The following NAV2 variants were observed in gnomAD, a reference collection of about 807,000 sequenced individuals.
The protein encoded by NAV2 is neuron navigator 2.
NAV2 carries 54 observed loss-of-function variants against 223.2 expected under a neutral mutation model. That is an observed-to-expected ratio of 0.24 (90% confidence interval 0.19 to 0.30). The LOEUF is 0.30. Ranked by LOEUF, NAV2 falls within the 10% of genes least tolerant of loss-of-function variation. NAV2 has a pLI of 1.00. For missense variants in NAV2, 2,806 were observed against 3,147.5 expected (o/e 0.89, Z 2.60); for synonymous variants, 1,279 against 1,239.3 (o/e 1.03, Z -0.67).
chr11:19,439,300 A>G (rs1851318554), intron 1 of NAV2, among the ~76,000 whole-genome samples: 1 of 152,148 alleles, frequency 6.6e-6, no homozygotes, highest in African/African-American at 2.4e-5. Flanking sequence ...TGGGGTCTAT[A>G]AGAGGGTGGA....
rs751340738 is a variant in NAV2, at chr11:19,934,139, G to A, written c.1895G>A (p.Ser632Asn). The A allele has an allele frequency of 6.2e-7, 1 of 1,614,166 alleles. No homozygotes were observed. The highest frequency in any genetic ancestry group is 8.5e-7 in the Non-Finnish European group (1 of 1,180,026). ...CCAGGAGGGACCACCCTGAACCACA[G>A]CATCAGCAGCCAGACTGTCAGTGGG... The part of the protein sequence containing the change: ...KGPGGTTLNH[S>N]ISSQTVSGSV... The change falls in exon 7 of 38, where the codon AGC becomes AAC. Residue 632 changes from serine to asparagine, a missense_variant. Transcript: ENST00000349880.
intron 11 of NAV2, chr11:20,023,207 G>C: frequency 7.9e-7 from 1 of 1,259,064 alleles, no homozygotes; most frequent in South Asian, 1.3e-5. Context: ...TCCTTGGCCG[G>C]TATTGAAAAG....
chr11:19,653,329 GT>G (rs1175215437), intron 1 of NAV2, among the ~76,000 whole-genome samples: 2 of 152,198 alleles, frequency 1.3e-5, no homozygotes, highest in African/African-American at 4.8e-5. Context: ...GACAGTGAAA[GT>G]AAAAAAGTAC....
chr11:19,408,316 G>A (rs1161017856), intron 1 of NAV2, among the ~76,000 whole-genome samples: 2 of 152,168 alleles, frequency 1.3e-5, no homozygotes, highest in African/African-American at 4.8e-5. Flanking sequence ...GGAAAGGGGA[G>A]GCTGGGAGGG....
chr11:19,458,947 G>A (rs1255645671), intron 1 of NAV2, among the ~76,000 whole-genome samples: 1 of 152,256 alleles, frequency 6.6e-6, no homozygotes, highest in Non-Finnish European at 1.5e-5. Flanking sequence ...GACAGCATGA[G>A]CCACAGCAGG....
intron 11 of NAV2, chr11:20,027,190 C>A (rs1170245114): frequency 3.6e-6 from 3 of 841,620 alleles, no homozygotes; most frequent in Non-Finnish European, 4.3e-6. Context: ...GTTAACATAC[C>A]TGTTTGGTGG....
intron 6 of NAV2, among the ~76,000 whole-genome samples, chr11:19,903,610 T>C (rs2042622142): frequency 6.7e-6 from 1 of 148,756 alleles, no homozygotes; most frequent in Non-Finnish European, 1.5e-5. Context: ...AAATGTGGAG[T>C]GGGGAAGCTA....
intron 4 of NAV2, 93 bp from the exon 5 acceptor site, chr11:19,879,776 C>A: frequency 1.4e-6 from 2 of 1,456,344 alleles, no homozygotes; most frequent in Admixed American, 3.5e-5. Flanking sequence ...CTGTCATATC[C>A]TAAAGAAATC....
chr11:19,974,415 C>A (rs1326406814), intron 10 of NAV2, among the ~76,000 whole-genome samples: 1 of 152,154 alleles, frequency 6.6e-6, no homozygotes, highest in African/African-American at 2.4e-5. Flanking sequence ...ACAGAGTGAA[C>A]CCTAATGTGA....
chr11:19,907,506 T>G (rs1326949226), intron 6 of NAV2, among the ~76,000 whole-genome samples: 1 of 136,540 alleles, frequency 7.3e-6, no homozygotes, highest in Non-Finnish European at 1.6e-5. Flanking sequence ...ATTCTTGAAA[T>G]TCCCCCACTG....
chr11:19,869,051 CT>C, intron 4 of NAV2, 54 bp downstream of exon 4: 1 of 1,511,926 alleles, frequency 6.6e-7, no homozygotes, highest in African/African-American at 1.4e-5. Flanking sequence ...AAATGCCCAC[CT>C]GTTACTTATG....
intron 1 of NAV2, among the ~76,000 whole-genome samples, chr11:19,618,047 A>G (rs2046850672): frequency 1.3e-5 from 2 of 152,148 alleles, no homozygotes; most frequent in South Asian, 4.1e-4. Flanking sequence ...TCATCTTCTC[A>G]CATACTCCGT....
Position 19,948,934 on chromosome 11 carries a change from C to T in NAV2, c.2499C>T (p.Ser833=). The T allele has an allele frequency of 6.2e-7, 1 of 1,614,020 alleles. No individual in the cohort carries two copies. Among genetic ancestry groups the T allele is most frequent in the Non-Finnish European group, 8.5e-7 (1 of 1,179,900 alleles). Residue 833 remains serine (S), a synonymous_variant, in exon 10 of 38, where the codon TCC becomes TCT. Coordinates refer to ENST00000349880, the MANE Select transcript of NAV2 (RefSeq NM_145117.5). The part of the protein sequence containing the change: ...YSAPLRRQLA[S]RGSSVCHVDV... ...CCCCTCTGAGAAGGCAGCTGGCCTC[C>T]CGGGGCAGTAGTGTCTGCCATGTGG...
chr11:19,681,038 A>T (rs1323892084), intron 1 of NAV2, among the ~76,000 whole-genome samples: 1 of 152,240 alleles, frequency 6.6e-6, no homozygotes, highest in Admixed American at 6.5e-5. Flanking sequence ...TAATCATCAC[A>T]AACCCCTTTG....
intron 29 of NAV2, among the ~76,000 whole-genome samples, chr11:20,094,060 C>T (rs778046207): frequency 7.2e-5 from 11 of 152,122 alleles, no homozygotes; most frequent in African/African-American, 1.7e-4. Flanking sequence ...TTCAGCTTTG[C>T]GGCTGGCTTG....
intron 1 of NAV2, among the ~76,000 whole-genome samples, chr11:19,768,082 G>A (rs1344822714): frequency 6.6e-6 from 1 of 152,222 alleles, no homozygotes; most frequent in African/African-American, 2.4e-5. Context: ...CAGGGCACAG[G>A]GTCTCCTCCA....
intron 1 of NAV2, among the ~76,000 whole-genome samples, chr11:19,654,361 T>A (rs1010755729): frequency 1.3e-5 from 2 of 152,178 alleles, no homozygotes; most frequent in African/African-American, 4.8e-5. Context: ...AAGCTACCAA[T>A]GACTTTCTTC....
chr11:19,713,124 G>C lies in NAV2; in HGVS notation c.-572G>C, dbSNP rs930220365. On this transcript the variant is annotated 5_prime_UTR_variant, in exon 1 of 38. Coordinates refer to ENST00000349880, the MANE Select transcript of NAV2 (RefSeq NM_145117.5). The surrounding 1 kb of genome is among the most constrained non-coding windows in gnomAD (Gnocchi z 7.2). Reference sequence around the variant, plus strand: ...TCGCGGGTGACACTGCGGTGCTCGCGAGCAGGGTGGCAGCTGCCTCTCGGT... The same window carrying C: ...TCGCGGGTGACACTGCGGTGCTCGCCAGCAGGGTGGCAGCTGCCTCTCGGT... Among the ~76,000 whole-genome samples, 1 of 151,822 alleles carries C rather than the reference G, an allele frequency of 6.6e-6. No homozygotes were observed. The highest frequency in any genetic ancestry group is 2.4e-5 in the African/African-American group (1 of 41,334).
intron 1 of NAV2, among the ~76,000 whole-genome samples, chr11:19,649,289 G>A (rs986351828): frequency 6.6e-6 from 1 of 152,120 alleles, no homozygotes; most frequent in Non-Finnish European, 1.5e-5. Flanking sequence ...CTTAATTTGA[G>A]CTACAAGAGC....
Sources: gnomAD v4.1 joint callset for allele counts (sites outside exome capture counted in the v4.1 genomes callset) on GRCh38, gnomAD v4.1.1 for gene constraint, Gnocchi (gnomAD v3.1) non-coding constraint, MANE v1.5 for transcripts, NCBI Gene and HGNC (gene_info 2026-07-23, HGNC 2026-07-21) for gene names.